Variants in BCAS3 observed in about 807,000 individuals in gnomAD.
BCAS3 encodes BCAS3 microtubule associated cell migration factor.
Under a neutral mutation model 116.1 loss-of-function variants are expected in BCAS3, and 53 were observed. The ratio of observed to expected loss-of-function variants is 0.46; its 90% CI spans 0.37 to 0.57. The LOEUF is 0.57. BCAS3 is among the 20% of genes least tolerant of loss of function. The probability of loss-of-function intolerance (pLI) is 0.00; values close to 1 mark genes in which losing one functional copy is unlikely to be tolerated. For synonymous variants in BCAS3, 391 were observed against 408.2 expected (o/e 0.96, Z 0.51); for missense variants, 917 against 1,165.4 (o/e 0.79, Z 3.10).
In BCAS3 at chr17:61,034,817, G is replaced by A. The variant is rs757431144; in HGVS notation, c.1762+27G>A. 7.6e-6 allele frequency: 12 copies of A among 1,569,064 alleles called. No homozygotes were observed. The African/African-American group carries it at 1.5e-4, about 20-fold the overall frequency. ...TATGTATTTTTACTGAAAAATGAATGCTCTATTTGTAATTTTTGCTTCTTA... is the reference window on the plus strand; with the variant it reads ...TATGTATTTTTACTGAAAAATGAATACTCTATTTGTAATTTTTGCTTCTTA... On this transcript the variant is annotated intron_variant, in intron 17 of 23. Coordinates refer to ENST00000407086, the MANE Select transcript of BCAS3 (RefSeq NM_017679.5). The surrounding 1 kb of genome is among the most constrained non-coding windows in gnomAD (Gnocchi z 5.0).
rs191402249 is a variant in BCAS3, at chr17:60,860,608, A to G, written c.477-7968A>G. Among the ~76,000 whole-genome samples the G allele has an allele frequency of 1.8e-4, 28 of 152,296 alleles. No homozygotes were observed. The East Asian group carries it at 5.4e-3, about 29-fold the overall frequency. On this transcript the variant is annotated intron_variant, in intron 7 of 23. Transcript: ENST00000407086. Reference sequence around the variant, plus strand: ...TTTTTGTTTCTAGACTTTTTATAGCATTATGTTTTACATTTCAGTCTTTAA... The same window carrying G: ...TTTTTGTTTCTAGACTTTTTATAGCGTTATGTTTTACATTTCAGTCTTTAA...
At chr17:60,935,070 G>A (rs1409958898) in intron 13 of BCAS3, among the ~76,000 whole-genome samples, 11 of 152,184 alleles carry the variant, frequency 7.2e-5, no homozygotes, top group East Asian at 5.8e-4. Flanking sequence ...AGGCTGAGGC[G>A]TGAGAATTGT....
At chr17:61,074,157 T>C (rs2071720015) in intron 19 of BCAS3, among the ~76,000 whole-genome samples, 1 of 145,314 alleles carries the variant, frequency 6.9e-6, no homozygotes, top group African/African-American at 2.5e-5. Flanking sequence ...ATGTATGAGG[T>C]TGGGGGGTTA....
intron 5 of BCAS3, chr17:60,727,529 C>T: frequency 1.5e-6 from 2 of 1,313,972 alleles, no homozygotes; most frequent in East Asian, 2.5e-5. Flanking sequence ...CGAGAAATGG[C>T]ATCTGAGACT....
At chr17:61,197,263 C>T (rs751022494) in intron 22 of BCAS3, among the ~76,000 whole-genome samples, 11 of 152,090 alleles carry the variant, frequency 7.2e-5, no homozygotes, top group South Asian at 2.1e-4. Context: ...AGAAAAGGGC[C>T]GCTTCTTCCT....
chr17:60,889,872 T>C (rs1178731154), intron 10 of BCAS3, 101 bp downstream of exon 10: 7 of 1,066,520 alleles, frequency 6.6e-6, no homozygotes, highest in Non-Finnish European at 9.8e-6. Flanking sequence ...CAATAATAAA[T>C]GTTTTACTTA....
At chr17:61,351,145 T>C (rs1737948474) in intron 22 of BCAS3, among the ~76,000 whole-genome samples, 1 of 152,248 alleles carries the variant, frequency 6.6e-6, no homozygotes, top group Non-Finnish European at 1.5e-5. Context: ...TGCTGGGCAC[T>C]TTCTTTGTCC....
At chr17:61,113,091 T>A (rs1476280607) in intron 22 of BCAS3, among the ~76,000 whole-genome samples, 1 of 54,514 alleles carries the variant, frequency 1.8e-5, no homozygotes, top group African/African-American at 3.5e-5. Flanking sequence ...CAAAGCAGTG[T>A]GTAGAGGGAA....
intron 14 of BCAS3, among the ~76,000 whole-genome samples, chr17:60,973,642 G>A (rs2062113565): frequency 6.7e-6 from 1 of 148,764 alleles, no homozygotes; most frequent in Non-Finnish European, 1.5e-5. Context: ...CCCCAGGCTG[G>A]AGGTCAGTGG....
chr17:60,707,764 AT>A, intron 4 of BCAS3, among the ~76,000 whole-genome samples: 1 of 152,186 alleles, frequency 6.6e-6, no homozygotes, highest in East Asian at 1.9e-4. Context: ...TGATCATATG[AT>A]TTTTTGCCTT....
At chr17:61,264,264 A>G (rs561227390) in intron 22 of BCAS3, among the ~76,000 whole-genome samples, 37 of 152,250 alleles carry the variant, frequency 2.4e-4, no homozygotes, top group African/African-American at 7.7e-4. Flanking sequence ...TCCAGAGAAA[A>G]TTCTGACTTG....
chr17:60,695,094 A>G (rs150004692), intron 4 of BCAS3, among the ~76,000 whole-genome samples: 1 of 149,536 alleles, frequency 6.7e-6, no homozygotes, highest in African/African-American at 2.5e-5. Flanking sequence ...AGGCTGAATC[A>G]TGCTTCATTG....
At chr17:61,168,942 G>A (rs2078678774) in intron 22 of BCAS3, among the ~76,000 whole-genome samples, 1 of 152,138 alleles carries the variant, frequency 6.6e-6, no homozygotes, top group Non-Finnish European at 1.5e-5. Flanking sequence ...AAATGGAAAA[G>A]TCTCACCTCT....
rs2056493293 is a variant in BCAS3, at chr17:61,333,853, C to T, written c.2426-34474C>T. The stretch of plus-strand genomic sequence containing the variant: ...CAAGCCGGTCTCAAACTCCTTACCT[C>T]AAGTGATCCGCCCATCTCGGCCTCC... On this transcript the variant is annotated intron_variant, in intron 22 of 23. Coordinates refer to ENST00000407086, the MANE Select transcript of BCAS3 (RefSeq NM_017679.5). This position sits in a 1 kb window ranked among gnomAD's most constrained non-coding sequence, Gnocchi z 4.8. 6.6e-6 allele frequency among the ~76,000 whole-genome samples: 1 copy of T among 152,126 alleles called. No homozygotes were observed.
rs1175892300 is a variant in BCAS3 at position 61,251,054 on chromosome 17, C to A, written c.2426-117273C>A. 6.6e-6 allele frequency among the ~76,000 whole-genome samples: 1 copy of A among 152,176 alleles called. No homozygotes were observed. Among genetic ancestry groups the A allele is most frequent in the Non-Finnish European group, 1.5e-5 (1 of 68,028 alleles). On this transcript the variant is annotated intron_variant, in intron 22 of 23. Transcript: ENST00000407086. The surrounding 1 kb of genome is among the most constrained non-coding windows in gnomAD (Gnocchi z 4.7). ...TGGTGAAACACCCTCATCCCTCCAG[C>A]CCTGCCCCCAGGAAACCCTTCATTC...
chr17:61,058,521 G>A (rs980071277), intron 19 of BCAS3, among the ~76,000 whole-genome samples: 8 of 152,060 alleles, frequency 5.3e-5, no homozygotes, highest in African/African-American at 1.7e-4. Context: ...CATGTCATCC[G>A]TGGTTGCATC....
intron 22 of BCAS3, among the ~76,000 whole-genome samples, chr17:61,102,734 A>G (rs182503073): frequency 7.9e-5 from 12 of 152,226 alleles, no homozygotes; most frequent in Admixed American, 3.3e-4. Context: ...TTCTTTGTCC[A>G]TAAGAAGAGT....
In BCAS3 at chr17:61,078,426, G is replaced by A. The variant is rs372700855; in HGVS notation, c.2224G>A (p.Val742Ile). The change falls in exon 21 of 24, where the codon GTT becomes ATT. Residue 742 changes from valine (V) to isoleucine (I), a missense_variant. By Grantham distance (29) the Val-to-Ile change is conservative. This residue lies in a region of BCAS3 where 807 missense variants were observed against 1,026.0 expected (regional missense o/e 0.79). Coordinates refer to ENST00000407086, the MANE Select transcript of BCAS3 (RefSeq NM_017679.5). ...CATCCATCCCTCAGGCCAAACCACA[G>A]TTATCTCATCCAGTTCATCTGTGTT... ...KTIHPSGQTT[V>I]ISSSSSVLQS... 4.4e-5 allele frequency: 71 copies of A among 1,614,038 alleles called. No homozygotes were observed. The highest frequency in any genetic ancestry group is 5.8e-5 in the Non-Finnish European group (68 of 1,180,034).
At chr17:60,808,804 A>G (rs569582000) in intron 7 of BCAS3, among the ~76,000 whole-genome samples, 1 of 152,366 alleles carries the variant, frequency 6.6e-6, no homozygotes, top group South Asian at 2.1e-4. Context: ...ATAATGATGT[A>G]TGACAGGAAT....
Sources: gnomAD v4.1 joint callset for allele counts (sites outside exome capture counted in the v4.1 genomes callset) on GRCh38, gnomAD v4.1.1 for gene constraint, gnomAD v4.1.1 regional missense constraint, Gnocchi (gnomAD v3.1) non-coding constraint, MANE v1.5 for transcripts, NCBI Gene and HGNC (gene_info 2026-07-23, HGNC 2026-07-21) for gene names.